The following YLPM1 variants were observed in gnomAD, a reference collection of about 807,000 sequenced individuals.
YLPM1 encodes the protein YLP motif-containing protein 1.
In YLPM1, 99 loss-of-function variants were observed where a neutral mutation model predicts 230.0. The ratio of observed to expected loss-of-function variants is 0.43; its 90% CI spans 0.37 to 0.51. The LOEUF is 0.51. Among genes scored for constraint, YLPM1 ranks in the 20% least tolerant of loss-of-function variants. The pLI is 0.00. For missense variants in YLPM1, 2,592 were observed against 2,707.7 expected (o/e 0.96, Z 0.95); for synonymous variants, 984 against 942.5 (o/e 1.04, Z -0.81).
At chr14:74,767,941 C>T (rs2090929382) in intron 1 of YLPM1, among the ~76,000 whole-genome samples, 1 of 152,032 alleles carries the variant, frequency 6.6e-6, no homozygotes, top group Non-Finnish European at 1.5e-5. Flanking sequence ...TTAGTAATGC[C>T]ATTGGTCCCT....
chr14:74,788,411 C>T (rs904482270), intron 4 of YLPM1, among the ~76,000 whole-genome samples: 13 of 152,180 alleles, frequency 8.5e-5, no homozygotes, highest in African/African-American at 1.7e-4. Flanking sequence ...TGAGCCACCG[C>T]GCCTGGCCTT....
chr14:74,797,821 C>G lies in YLPM1; in HGVS notation c.2524C>G (p.Pro842Ala). 6.2e-7 allele frequency: 1 copy of G among 1,613,954 alleles called. No homozygotes were observed. Among genetic ancestry groups the G allele is most frequent in the Non-Finnish European group, 8.5e-7 (1 of 1,179,884 alleles). The change falls in exon 5 of 21, where the codon CCA becomes GCA. Residue 842 changes from proline to alanine, a missense_variant. Pro to Ala is a conservative substitution (Grantham distance 27). Around this residue, in one of 4 missense-constraint regions of YLPM1, gnomAD observed 1,862 missense variants for 1,819.8 expected, o/e 1.02. Coordinates refer to ENST00000325680, the MANE Select transcript of YLPM1 (RefSeq NM_019589.3). ...QSGPQWKGPKPAFGQQHQQQP... is the reference protein window; with the variant it reads ...QSGPQWKGPKAAFGQQHQQQP... ...TGGACCACAGTGGAAAGGCCCCAAA[C>G]CAGCTTTTGGACAGCAGCATCAGCA...
Position 74,798,901 on chromosome 14 carries a change from G to C in YLPM1, c.3604G>C (p.Glu1202Gln). The change falls in exon 5 of 21, where the codon GAA (glutamate) becomes CAA (glutamine). Residue 1202 changes from glutamate to glutamine, a missense_variant. This residue lies in a region of YLPM1 where 1,862 missense variants were observed against 1,819.8 expected (regional missense o/e 1.02). Transcript: ENST00000325680. ...PWNHGEERGHEEFPLDGRNAP... is the reference protein window; with the variant it reads ...PWNHGEERGHQEFPLDGRNAP... ...GAACCATGGAGAAGAGCGAGGGCAT[G>C]AAGAGTTTCCATTAGATGGTAGAAA... 6.2e-7 allele frequency: 1 copy of C among 1,613,966 alleles called. No homozygotes were observed. The highest frequency in any genetic ancestry group is 1.1e-5 in the South Asian group (1 of 91,082).
At chr14:74,788,058 C>T (rs2091166526) in intron 4 of YLPM1, among the ~76,000 whole-genome samples, 4 of 151,784 alleles carry the variant, frequency 2.6e-5, no homozygotes, top group Admixed American at 2.6e-4. Flanking sequence ...AAACTCTTTT[C>T]ATCCATTAAA....
At position 74,812,681 on chromosome 14, in the gene YLPM1, A is replaced by T. The variant is rs2091444596; in HGVS notation, c.5401A>T (p.Ser1801Cys). 1 of 1,613,614 alleles carries T rather than the reference A, an allele frequency of 6.2e-7. No homozygotes were observed. The highest frequency in any genetic ancestry group is 8.5e-7 in the Non-Finnish European group (1 of 1,179,750). The change falls in exon 11 of 21, where the codon AGC (serine) becomes TGC (cysteine). Residue 1801 changes from serine (S) to cysteine (C), a missense_variant. This residue lies in a region of YLPM1 where 403 missense variants were observed against 426.7 expected (regional missense o/e 0.94). Coordinates refer to ENST00000325680, the MANE Select transcript of YLPM1 (RefSeq NM_019589.3). ...AATGCCTCTGCCAGCTCCTTCACTG[A>T]GCCACCAGCCTCCTCCAGCTCCACG... ...ERMPLPAPSL[S>C]HQPPPAPRVE...
chr14:74,775,422 A>G (rs1037618167), intron 1 of YLPM1, among the ~76,000 whole-genome samples: 1 of 152,250 alleles, frequency 6.6e-6, no homozygotes, highest in Non-Finnish European at 1.5e-5. Flanking sequence ...ATCTGTTTGC[A>G]TATGGAAAAT....
In YLPM1 at chr14:74,809,511, T is replaced by C. The variant is rs772419433; in HGVS notation, c.4653T>C (p.Pro1551=). 1 of 1,585,214 alleles carries C rather than the reference T, an allele frequency of 6.3e-7. No individual in the cohort carries two copies. Among genetic ancestry groups the C allele is most frequent in the Non-Finnish European group, 8.6e-7 (1 of 1,165,056 alleles). ...RPPVPIPPPP[P]PPPLPPPPPV... ...CTGTCCCAATACCACCACCTCCACC[T>C]CCTCCACCTCTACCTCCTCCTCCTC... Residue 1551 remains proline, a synonymous_variant, in exon 7 of 21, where the codon CCT becomes CCC. Coordinates refer to ENST00000325680, the MANE Select transcript of YLPM1 (RefSeq NM_019589.3).
chr14:74,797,892 A>G lies in YLPM1; in HGVS notation c.2595A>G (p.Pro865=), dbSNP rs557213350. The part of the protein sequence containing the change: ...QAEPLSGNKE[P]LADTSSNQQK... The stretch of plus-strand genomic sequence containing the variant: ...AACCTCTTTCAGGAAACAAAGAACC[A>G]TTAGCAGACACCAGTAGTAACCAGC... Residue 865 remains proline (P), a synonymous_variant, in exon 5 of 21, where the codon CCA becomes CCG. Coordinates refer to ENST00000325680, the MANE Select transcript of YLPM1 (RefSeq NM_019589.3). 5 of 1,613,978 alleles carry G rather than the reference A, an allele frequency of 3.1e-6. No individual in the cohort carries two copies. Among genetic ancestry groups the G allele is most frequent in the African/African-American group, 1.3e-5 (1 of 75,028 alleles).
chr14:74,804,276 T>C (rs2091356065), intron 6 of YLPM1, among the ~76,000 whole-genome samples: 1 of 152,242 alleles, frequency 6.6e-6, no homozygotes, highest in Non-Finnish European at 1.5e-5. Context: ...TGTGGCCAGA[T>C]GGACATTTTA....
chr14:74,804,107 A>G (rs565331589), intron 6 of YLPM1, among the ~76,000 whole-genome samples: 1 of 152,318 alleles, frequency 6.6e-6, no homozygotes, highest in African/African-American at 2.4e-5. Context: ...CGGTGAGCCG[A>G]CATCGCGCCA....
chr14:74,782,878 C>T (rs781614628), intron 4 of YLPM1, among the ~76,000 whole-genome samples: 5 of 152,052 alleles, frequency 3.3e-5, no homozygotes, highest in Non-Finnish European at 1.5e-5. Flanking sequence ...GAGCTTACAT[C>T]CTTTATATTT....
At chr14:74,778,090 G>A (rs558389337) in intron 1 of YLPM1, among the ~76,000 whole-genome samples, 6 of 152,218 alleles carry the variant, frequency 3.9e-5, no homozygotes, top group Non-Finnish European at 5.9e-5. Flanking sequence ...TCAATAAATC[G>A]GAACAAACTG....
chr14:74,777,686 G>A (rs1434712676), intron 1 of YLPM1, among the ~76,000 whole-genome samples: 1 of 151,894 alleles, frequency 6.6e-6, no homozygotes, highest in African/African-American at 2.4e-5. Flanking sequence ...GTTTCAAAGT[G>A]GGAGGAGGCT....
Position 74,784,591 on chromosome 14 carries a change from A to G in YLPM1, c.2282+2266A>G, listed in dbSNP as rs61670597. 3.9e-3 allele frequency among the ~76,000 whole-genome samples: 595 copies of G among 152,366 alleles called. 7 individuals carry two copies. Among genetic ancestry groups the G allele is most frequent in the African/African-American group, 0.012 (510 of 41,590 alleles). ...TTCTGTGATGAGCAGTTGTATGCTT[A>G]ACATTGGCATTGTGATTAGGAACAC... On this transcript the variant is annotated intron_variant, in intron 4 of 20. Transcript: ENST00000325680.
At chr14:74,794,428 C>T (rs1324730468) in intron 4 of YLPM1, among the ~76,000 whole-genome samples, 5 of 152,174 alleles carry the variant, frequency 3.3e-5, no homozygotes, top group East Asian at 3.9e-4. Context: ...GTGATCCACT[C>T]GCCTCCGCGT....
intron 9 of YLPM1, among the ~76,000 whole-genome samples, chr14:74,811,139 T>A (rs2091430456): frequency 6.6e-6 from 1 of 152,102 alleles, no homozygotes; most frequent in African/African-American, 2.4e-5. Context: ...CCCATGAACT[T>A]CTTAGATGTA....
intron 11 of YLPM1, among the ~76,000 whole-genome samples, chr14:74,813,317 G>A (rs188503167): frequency 6.6e-6 from 1 of 152,074 alleles, no homozygotes; most frequent in Admixed American, 6.5e-5. Flanking sequence ...CCTTTCCTGT[G>A]GTTGCTGTTT....
intron 4 of YLPM1, among the ~76,000 whole-genome samples, chr14:74,783,104 A>G (rs924212318): frequency 6.6e-6 from 1 of 152,092 alleles, no homozygotes; most frequent in Non-Finnish European, 1.5e-5. Context: ...TCGGTTTTTC[A>G]CCCAGGCTAG....
chr14:74,764,005 C>T lies in YLPM1; in HGVS notation c.516C>T (p.Pro172=), dbSNP rs1363165110. 2 of 1,606,360 alleles carry T rather than the reference C, an allele frequency of 1.2e-6. No individual in the cohort carries two copies. Among genetic ancestry groups the T allele is most frequent in the South Asian group, 2.2e-5 (2 of 90,518 alleles). The change falls in exon 1 of 21, where the codon CCC becomes CCT. Residue 172 remains proline, a synonymous_variant. Transcript: ENST00000325680. ...ACATGCCCCCACCTCAGCCGCCACCCTCTTACTACCCCCCGACCTCATCTC... is the reference window on the plus strand; with the variant it reads ...ACATGCCCCCACCTCAGCCGCCACCTTCTTACTACCCCCCGACCTCATCTC... ...QSYMPPPQPP[P]SYYPPTSSQP... is the part of the protein sequence containing the mutation.
Sources: gnomAD v4.1 joint callset for allele counts (sites outside exome capture counted in the v4.1 genomes callset) on GRCh38, gnomAD v4.1.1 for gene constraint, gnomAD v4.1.1 regional missense constraint, MANE v1.5 for transcripts, NCBI Gene and HGNC (gene_info 2026-07-23, HGNC 2026-07-21) for gene names.